PCYT1B: variants seen among roughly 807,000 people sequenced by gnomAD.
PCYT1B encodes the protein phosphate cytidylyltransferase 1B, choline.
A neutral mutation model predicts 26.4 loss-of-function variants in PCYT1B; 10 were observed. The observed-to-expected ratio is 0.38, with a 90% confidence interval of 0.23 to 0.64. The LOEUF is 0.64. Among genes scored for constraint, PCYT1B ranks in the 30% least tolerant of loss-of-function variants. The pLI is 0.56. For synonymous variants in PCYT1B, 131 were observed against 108.4 expected, an observed-to-expected ratio of 1.21 and a Z score of -1.29; for missense variants, 161 against 292.7, an observed-to-expected ratio of 0.55 and a Z score of 3.28.
rs749200589 is a variant in PCYT1B at position 24,646,588 on chromosome X, G to A, written c.117+401C>T. ...GGCATTAGGCACCAAAATCAGTTGAGGAACGAAGCATTCCTTAGCTAGAAT... is the reference window on the plus strand; with the variant it reads ...GGCATTAGGCACCAAAATCAGTTGAAGAACGAAGCATTCCTTAGCTAGAAT... On this transcript the variant is annotated intron_variant, in intron 1 of 7. Coordinates refer to ENST00000379144, the MANE Select transcript of PCYT1B (RefSeq NM_004845.5). Among the ~76,000 whole-genome samples the A allele has an allele frequency of 1.4e-4, 15 of 111,095 alleles. No individual in the cohort carries two copies. The South Asian group carries it at 5.0e-3, about 37-fold the overall frequency.
At chrX:24,640,026 A>G (rs190453653) in intron 1 of PCYT1B, among the ~76,000 whole-genome samples, 10 of 112,225 alleles carry the variant, frequency 8.9e-5, no homozygotes, top group African/African-American at 3.2e-4. Context: ...AATAAAAGGA[A>G]AAAAAGATGA....
intron 3 of PCYT1B, among the ~76,000 whole-genome samples, chrX:24,597,652 CAGTT>C (rs1464524478): frequency 8.9e-6 from 1 of 112,271 alleles, no homozygotes; most frequent in Non-Finnish European, 1.9e-5. Context: ...ATGGAAATCT[CAGTT>C]AGTGACCATT....
At chrX:24,670,096 GAAAGAAAGAA>G (rs1569261845) in intron 1 of PCYT1B, among the ~76,000 whole-genome samples, 1 of 89,794 alleles carries the variant, frequency 1.1e-5, no homozygotes, top group African/African-American at 4.2e-5. Context: ...AAGAAAGAAA[GAAAGAAAGAA>G]AGAAAGAAAG....
At chrX:24,608,453 G>A (rs1163931475) in intron 2 of PCYT1B, among the ~76,000 whole-genome samples, 1 of 111,568 alleles carries the variant, frequency 9.0e-6, no homozygotes, top group East Asian at 2.8e-4. Context: ...ACCTTTACTA[G>A]CATACCACTG....
chrX:24,588,895 G>T (rs181303274), intron 4 of PCYT1B, among the ~76,000 whole-genome samples: 270 of 110,931 alleles, frequency 2.4e-3, no homozygotes, highest in Non-Finnish European at 4.1e-3. Context: ...CTCAATAAAT[G>T]TTTATTATTA....
chrX:24,565,006 A>G lies in PCYT1B; in HGVS notation c.898-2501T>C, dbSNP rs1923575639. 3.6e-5 allele frequency among the ~76,000 whole-genome samples: 4 copies of G among 110,090 alleles called. No homozygotes were observed. In the Admixed American group the frequency reaches 3.9e-4, roughly 11 times the overall value. On this transcript the variant is annotated intron_variant, in intron 7 of 7. Coordinates refer to ENST00000379144, the MANE Select transcript of PCYT1B (RefSeq NM_004845.5). ...AGTTTGGGGAAGACTGTGGGGTGGG[A>G]GGAGGTTTCGGTGGTTAAGATCAGT...
At chrX:24,596,808 C>G (rs1924797369) in intron 3 of PCYT1B, among the ~76,000 whole-genome samples, 1 of 111,105 alleles carries the variant, frequency 9.0e-6, no homozygotes, top group African/African-American at 3.3e-5. Context: ...TGAGTGAAGT[C>G]TTCGCTCCAC....
chrX:24,600,187 G>A (rs929682106), intron 3 of PCYT1B, among the ~76,000 whole-genome samples: 4 of 111,394 alleles, frequency 3.6e-5, no homozygotes, highest in African/African-American at 6.5e-5. Context: ...GATTACAGGC[G>A]GGAGCCATTG....
At position 24,562,050 on chromosome X, in the gene PCYT1B, G is replaced by A; in HGVS notation, c.*243C>T. 1 of 1,180,639 alleles carries A rather than the reference G, an allele frequency of 8.5e-7. No individual in the cohort carries two copies. On this transcript the variant is annotated 3_prime_UTR_variant, in exon 8 of 8. Coordinates refer to ENST00000379144, the MANE Select transcript of PCYT1B (RefSeq NM_004845.5). ...CATCCTTCCTTAGCAAGGTTAGAGT[G>A]ACTCTAGACGCTAAGGTTTGTGTAG...
chrX:24,581,143 G>T (rs1924193349), intron 5 of PCYT1B, among the ~76,000 whole-genome samples: 1 of 112,150 alleles, frequency 8.9e-6, no homozygotes, highest in Admixed American at 9.5e-5. Context: ...AAGTTCTACA[G>T]AGCATTCTTA....
At position 24,607,844 on chromosome X, in the gene PCYT1B, C is replaced by T. The variant is rs779365288; in HGVS notation, c.235G>A (p.Val79Ile). Residue 79 changes from valine to isoleucine, a missense_variant, in exon 3 of 8, where the codon GTA (valine) becomes ATA (isoleucine). By Grantham distance (29) the Val-to-Ile change is conservative. This residue lies in a region of PCYT1B where 65 missense variants were observed against 145.0 expected (regional missense o/e 0.45). Transcript: ENST00000379144. ...AGGTCAAATATTCCATCGGCGTATA[C>T]TCTGACAGGCCTGTCAGCTGTGGGA... ...LGTPADRPVR[V>I]YADGIFDLFH... The T allele has an allele frequency of 8.6e-7, 1 of 1,164,579 alleles. No individual in the cohort carries two copies. The highest frequency in any genetic ancestry group is 3.0e-5 in the East Asian group (1 of 33,526).
chrX:24,649,767 C>T (rs1375568560), upstream of PCYT1B, among the ~76,000 whole-genome samples: 1 of 112,042 alleles, frequency 8.9e-6, no homozygotes, highest in Non-Finnish European at 1.9e-5. Context: ...CAAGATACTG[C>T]CTTTGCCTAG....
chrX:24,624,205 G>A lies in PCYT1B; in HGVS notation c.118-5121C>T, dbSNP rs555828782. Among the ~76,000 whole-genome samples the A allele has an allele frequency of 3.2e-3, 358 of 110,586 alleles. 1 individual carries two copies. Among genetic ancestry groups the A allele is most frequent in the Middle Eastern group, 0.019 (4 of 210 alleles). ...AGGATGGTCTTGATCTCCTGACCTC[G>A]TGATCCGCCCGCCTTGGCCTCCCAA... On this transcript the variant is annotated intron_variant, in intron 1 of 7. Coordinates refer to ENST00000379144, the MANE Select transcript of PCYT1B (RefSeq NM_004845.5).
At chrX:24,654,749 CAAA>C (rs574317952) in intron 1 of PCYT1B, among the ~76,000 whole-genome samples, 3 of 40,046 alleles carry the variant, frequency 7.5e-5, no homozygotes, top group African/African-American at 3.2e-4. Flanking sequence ...GACCCTGTCT[CAAA>C]AAAAAAAAAA....
chrX:24,636,804 G>A (rs933055636), intron 1 of PCYT1B, among the ~76,000 whole-genome samples: 5 of 111,631 alleles, frequency 4.5e-5, no homozygotes, highest in African/African-American at 9.8e-5. Context: ...ATCATGTGGC[G>A]CATATTAGTT....
At chrX:24,590,281 G>A (rs1462089911) in intron 3 of PCYT1B, 107 bp from the exon 4 acceptor site, 6 of 627,390 alleles carry the variant, frequency 9.6e-6, no homozygotes, top group East Asian at 3.6e-5. Context: ...GCACAGCCTC[G>A]CTAGGTGCTT....
intron 1 of PCYT1B, among the ~76,000 whole-genome samples, chrX:24,630,249 AGATCTGGG>A (rs1926024554): frequency 8.9e-6 from 1 of 112,206 alleles, no homozygotes; most frequent in African/African-American, 3.2e-5. Context: ...AATAGTTGCA[AGATCTGGG>A]GTGAGGAGGA....
intron 7 of PCYT1B, among the ~76,000 whole-genome samples, chrX:24,570,151 C>T (rs1602148518): frequency 1.0e-5 from 1 of 96,679 alleles, no homozygotes; most frequent in Non-Finnish European, 2.1e-5. Context: ...CACACCATCG[C>T]ACTCCAGCCT....
At chrX:24,665,714 C>CT (rs1177451170) in intron 1 of PCYT1B, among the ~76,000 whole-genome samples, 3 of 111,949 alleles carry the variant, frequency 2.7e-5, no homozygotes, top group African/African-American at 6.5e-5. Flanking sequence ...CCCTACAAAG[C>CT]TTTTTTATTA....
Sources: allele counts gnomAD v4.1 joint callset (sites outside exome capture counted in the v4.1 genomes callset), GRCh38; gene constraint gnomAD v4.1.1; regional missense constraint gnomAD v4.1.1; transcripts MANE v1.5; gene names NCBI Gene and HGNC (gene_info 2026-07-23, HGNC 2026-07-21).